The following KIF26B variants were observed in gnomAD, a reference collection of about 807,000 sequenced individuals.
KIF26B encodes the protein kinesin family member 26B.
KIF26B carries 63 observed loss-of-function variants against 151.2 expected under a neutral mutation model. The observed-to-expected ratio is 0.42, with a 90% CI of 0.34 to 0.51. The LOEUF (loss-of-function observed/expected upper bound fraction) is 0.51, where lower values mean the gene tolerates loss of function less well. Ranked by LOEUF, KIF26B falls within the 20% of genes least tolerant of loss-of-function variation. The pLI is 0.07. For missense variants in KIF26B, 2,813 were observed against 2,913.6 expected (o/e 0.97, Z 0.79); for synonymous variants, 1,357 against 1,262.1 (o/e 1.08, Z -1.59).
intron 2 of KIF26B, among the ~76,000 whole-genome samples, chr1:245,228,194 A>C (rs1669916743): frequency 6.6e-6 from 1 of 152,020 alleles, no homozygotes. Context: ...TTGTTCCAGC[A>C]CCTCCTGAGG....
chr1:245,300,784 T>C (rs1298285798), intron 2 of KIF26B, among the ~76,000 whole-genome samples: 31 of 135,866 alleles, frequency 2.3e-4, no homozygotes, highest in South Asian at 4.9e-4. Flanking sequence ...CCGCCTCGGC[T>C]TCCCAAAGTG....
At chr1:245,494,236 G>A (rs1660465837) in intron 4 of KIF26B, among the ~76,000 whole-genome samples, 1 of 152,166 alleles carries the variant, frequency 6.6e-6, no homozygotes, top group South Asian at 2.1e-4. Context: ...AACCTGGGAG[G>A]CGGAGGTTAC....
chr1:245,696,385 C>A (rs188137847), intron 12 of KIF26B, among the ~76,000 whole-genome samples: 1 of 152,188 alleles, frequency 6.6e-6, no homozygotes, highest in African/African-American at 2.4e-5. Flanking sequence ...CTCAGTCAAG[C>A]CTTCAGATGA....
intron 9 of KIF26B, among the ~76,000 whole-genome samples, chr1:245,627,702 T>TG (rs751515676): frequency 2.0e-5 from 3 of 151,106 alleles, no homozygotes; most frequent in Non-Finnish European, 2.9e-5. Context: ...GCCAGTTTTT[T>TG]GAAAAAAAAA....
At chr1:245,201,026 A>G (rs534725091) in intron 2 of KIF26B, among the ~76,000 whole-genome samples, 15 of 152,182 alleles carry the variant, frequency 9.9e-5, no homozygotes, top group Admixed American at 2.0e-4. Flanking sequence ...AACAACCCTA[A>G]AAAGGAGACA....
chr1:245,340,499 G>T (rs1672314416), intron 2 of KIF26B, among the ~76,000 whole-genome samples: 1 of 151,936 alleles, frequency 6.6e-6, no homozygotes, highest in Non-Finnish European at 1.5e-5. Context: ...TATAAATAGG[G>T]CTAGCCTTGC....
intron 2 of KIF26B, among the ~76,000 whole-genome samples, chr1:245,273,095 A>G (rs1002770815): frequency 2.6e-5 from 4 of 151,946 alleles, no homozygotes; most frequent in Non-Finnish European, 5.9e-5. Context: ...TTTGGCTGAC[A>G]TACTGTACTC....
chr1:245,653,664 T>G (rs2044043208), intron 10 of KIF26B, among the ~76,000 whole-genome samples: 1 of 152,088 alleles, frequency 6.6e-6, no homozygotes, highest in African/African-American at 2.4e-5. Flanking sequence ...CGAGTACAGT[T>G]TCTGGAATAT....
intron 9 of KIF26B, among the ~76,000 whole-genome samples, chr1:245,631,694 T>C (rs2043783145): frequency 6.6e-6 from 1 of 152,218 alleles, no homozygotes; most frequent in Non-Finnish European, 1.5e-5. Flanking sequence ...TTAATTCTAC[T>C]GAACTTTTAA....
At chr1:245,364,876 C>T (rs765653471) in intron 2 of KIF26B, among the ~76,000 whole-genome samples, 1 of 152,086 alleles carries the variant, frequency 6.6e-6, no homozygotes, top group Non-Finnish European at 1.5e-5. Context: ...TGAAAAAAAA[C>T]AAGAAACTGT....
chr1:245,508,459 C>G (rs1156916894), intron 4 of KIF26B, among the ~76,000 whole-genome samples: 1 of 152,124 alleles, frequency 6.6e-6, no homozygotes, highest in Non-Finnish European at 1.5e-5. Context: ...CCAGGATGGT[C>G]TCGATCTCCT....
chr1:245,409,162 A>G (rs970510188), intron 3 of KIF26B, among the ~76,000 whole-genome samples: 1 of 152,256 alleles, frequency 6.6e-6, no homozygotes, highest in African/African-American at 2.4e-5. Flanking sequence ...ATTCACATGC[A>G]TATGTGCAAA....
intron 4 of KIF26B, among the ~76,000 whole-genome samples, chr1:245,436,657 T>TA (rs1361254325): frequency 2.0e-5 from 3 of 152,142 alleles, no homozygotes; most frequent in Non-Finnish European, 4.4e-5. Context: ...TCTACTGACT[T>TA]TAAGTGTTAA....
chr1:245,186,705 C>A (rs531510634), intron 2 of KIF26B, among the ~76,000 whole-genome samples: 1 of 152,282 alleles, frequency 6.6e-6, no homozygotes, highest in South Asian at 2.1e-4. Flanking sequence ...CCCTGCTTAT[C>A]TTTCAGACAG....
At chr1:245,477,759 G>T (rs6662923) in intron 4 of KIF26B, among the ~76,000 whole-genome samples, 1 of 151,688 alleles carries the variant, frequency 6.6e-6, no homozygotes, top group Admixed American at 6.6e-5. Context: ...AAAAGAGACC[G>T]AATGGTAGCA....
intron 14 of KIF26B, among the ~76,000 whole-genome samples, chr1:245,700,459 A>C (rs2044755106): frequency 6.6e-6 from 1 of 152,102 alleles, no homozygotes. Context: ...TGGGAGGCCA[A>C]GGTGGGCAGA....
chr1:245,465,048 G>C (rs1302005590), intron 4 of KIF26B, among the ~76,000 whole-genome samples: 1 of 143,680 alleles, frequency 7.0e-6, no homozygotes, highest in Non-Finnish European at 1.5e-5. Context: ...GCGCGATCTC[G>C]GCTCACTGCA....
intron 5 of KIF26B, among the ~76,000 whole-genome samples, chr1:245,592,107 C>T (rs113776830): frequency 2.3e-3 from 356 of 152,318 alleles, no homozygotes; most frequent in Non-Finnish European, 2.9e-3. Context: ...CCTGCACATG[C>T]TCCCTCACAC....
chr1:245,595,339 C>T (rs1213648618), intron 5 of KIF26B, among the ~76,000 whole-genome samples: 1 of 152,102 alleles, frequency 6.6e-6, no homozygotes, highest in Non-Finnish European at 1.5e-5. Context: ...AACGTTTCAT[C>T]GATACCTAAT....
Sources: allele counts gnomAD v4.1 joint callset (sites outside exome capture counted in the v4.1 genomes callset), GRCh38; gene constraint gnomAD v4.1.1; transcripts MANE v1.5; gene names NCBI Gene and HGNC (gene_info 2026-07-23, HGNC 2026-07-21).